PPARGC1B: variants seen among roughly 807,000 people sequenced by gnomAD.
The protein encoded by PPARGC1B is PPARG coactivator 1 beta, also known as peroxisome proliferator-activated receptor gamma coactivator 1-beta.
PPARGC1B carries 34 observed loss-of-function variants against 101.6 expected under a neutral mutation model. The observed-to-expected ratio is 0.33, with a 90% CI of 0.25 to 0.45. The LOEUF (loss-of-function observed/expected upper bound fraction) is 0.45, where lower values mean the gene tolerates loss of function less well. Ranked by LOEUF, PPARGC1B falls within the 20% of genes least tolerant of loss-of-function variation. The pLI, the probability that PPARGC1B is intolerant of heterozygous loss-of-function variation, is 1.00. For missense variants in PPARGC1B, 1,234 were observed against 1,317.6 expected (o/e 0.94, Z 0.98); for synonymous variants, 548 against 539.3 (o/e 1.02, Z -0.22).
intron 1 of PPARGC1B, among the ~76,000 whole-genome samples, chr5:149,779,108 C>T (rs1756500863): frequency 6.6e-6 from 1 of 152,132 alleles, no homozygotes; most frequent in Non-Finnish European, 1.5e-5. Context: ...ACCAAAGGCC[C>T]ATCGTGATCT....
Position 149,847,451 on chromosome 5 carries a change from T to A in PPARGC1B, c.2972-7T>A. 1 of 1,610,184 alleles carries A rather than the reference T, an allele frequency of 6.2e-7. No individual in the cohort carries two copies. The highest frequency in any genetic ancestry group is 8.5e-7 in the Non-Finnish European group (1 of 1,176,406). ...CCTCTTCCCTGCCTCTTCACCCCCA[T>A]GCCCAGATTCCAATTCAGAAGAGGC... On this transcript the variant is annotated splice_polypyrimidine_tract_variant and splice_region_variant and intron_variant, in intron 11 of 11. Transcript: ENST00000309241.
rs747264689 is a variant in PPARGC1B at position 149,833,012 on chromosome 5, C to T, written c.939C>T (p.Pro313=). The T allele has an allele frequency of 1.2e-6, 2 of 1,613,574 alleles. No homozygotes were observed. The highest frequency in any genetic ancestry group is 2.7e-5 in the African/African-American group (2 of 74,938). Reference sequence around the variant, plus strand: ...CCCCACAGACCCCTGAGCCACTCCCCAAGGCCTGCAGCAACCCCTCCCAGC... The same window carrying T: ...CCCCACAGACCCCTGAGCCACTCCCTAAGGCCTGCAGCAACCCCTCCCAGC... ...KLPPQTPEPL[P]KACSNPSQQV... is the part of the protein sequence containing the mutation. The change falls in exon 5 of 12, where the codon CCC becomes CCT. Residue 313 remains proline, a synonymous_variant. Transcript: ENST00000309241. This position sits in a 1 kb window ranked among gnomAD's most constrained non-coding sequence, Gnocchi z 4.1.
intron 1 of PPARGC1B, among the ~76,000 whole-genome samples, chr5:149,816,278 C>T (rs993510350): frequency 9.9e-5 from 15 of 152,166 alleles, no homozygotes; most frequent in African/African-American, 3.4e-4. Flanking sequence ...CTGCTATGGG[C>T]AATCAATAAG....
intron 10 of PPARGC1B, among the ~76,000 whole-genome samples, chr5:149,844,272 A>G (rs1039362565): frequency 2.0e-5 from 3 of 152,262 alleles, no homozygotes; most frequent in Admixed American, 6.5e-5. Context: ...CTCTAAAGAG[A>G]AAGATCAGTC....
At chr5:149,784,319 C>CG (rs1186958836) in intron 1 of PPARGC1B, among the ~76,000 whole-genome samples, 1 of 152,036 alleles carries the variant, frequency 6.6e-6, no homozygotes, top group African/African-American at 2.4e-5. Flanking sequence ...GCTCTCACAA[C>CG]GGCCTGTGAA....
rs115295524 is a variant in PPARGC1B at position 149,741,922 on chromosome 5, G to A, written c.78+11502G>A. Among the ~76,000 whole-genome samples the A allele has an allele frequency of 9.1e-3, 1,384 of 152,182 alleles. 15 individuals carry two copies. Among genetic ancestry groups the A allele is most frequent in the African/African-American group, 0.032 (1,314 of 41,512 alleles). On this transcript the variant is annotated intron_variant, in intron 1 of 11. Coordinates refer to ENST00000309241, the MANE Select transcript of PPARGC1B (RefSeq NM_133263.4). ...TGGGATTACAAGCGTGAGCCACCAC[G>A]CCTGGCATAGCCACATAATATTCTT...
rs939417325 is a variant in PPARGC1B, at chr5:149,837,860, C to T, written c.2618+787C>T. Among the ~76,000 whole-genome samples, 1 of 152,148 alleles carries T rather than the reference C, an allele frequency of 6.6e-6. No individual in the cohort carries two copies. Among genetic ancestry groups the T allele is most frequent in the African/African-American group, 2.4e-5 (1 of 41,430 alleles). On this transcript the variant is annotated intron_variant, in intron 8 of 11. Transcript: ENST00000309241. The surrounding 1 kb of genome is among the most constrained non-coding windows in gnomAD (Gnocchi z 4.2). ...CTGTGTTGAGGTGAAGCTGAGTGGC[C>T]ACTAGATGCTGCTCTTGGGCTAGAG...
At chr5:149,830,030 CAAAAAAAAAAAA>C (rs60711433) in intron 3 of PPARGC1B, among the ~76,000 whole-genome samples, 1 of 34,264 alleles carries the variant, frequency 2.9e-5, no homozygotes, top group Non-Finnish European at 5.7e-5. Context: ...GACTGCATCT[CAAAAAAAAAAAA>C]AAAAAAAAAA....
rs1354164783 is a variant in PPARGC1B, at chr5:149,854,279, CA to C, written c.*6723del. On this transcript the variant is annotated 3_prime_UTR_variant, in exon 12 of 12. Transcript: ENST00000309241. ...GGGCATTATTTATTAGGAAGCTTAA[CA>C]AGGTAACTACGGCCTGAGTGCGTGA... is the stretch of plus-strand genomic sequence containing the variant. The C allele has an allele frequency of 6.6e-6, 1 of 151,902 alleles. No individual in the cohort carries two copies. 9.4% of individuals were successfully genotyped at this position (151,902 alleles called of 1,614,324 possible).
At chr5:149,810,050 T>C (rs1757793983) in intron 1 of PPARGC1B, among the ~76,000 whole-genome samples, 1 of 152,108 alleles carries the variant, frequency 6.6e-6, no homozygotes, top group South Asian at 2.1e-4. Flanking sequence ...TCTTGAGAGA[T>C]GCGGAGAGGG....
At position 149,837,252 on chromosome 5, in the gene PPARGC1B, G is replaced by A. The variant is rs1017043471; in HGVS notation, c.2618+179G>A. ...AAGGTGGTCTTCTGGGGCAGTTGTG[G>A]GTGAGTTCTGGAGGCAGGCACAGCC... On this transcript the variant is annotated intron_variant, in intron 8 of 11. Transcript: ENST00000309241. This position sits in a 1 kb window ranked among gnomAD's most constrained non-coding sequence, Gnocchi z 4.2. Among the ~76,000 whole-genome samples, 16 of 152,170 alleles carry A rather than the reference G, an allele frequency of 1.1e-4. No individual in the cohort carries two copies. Among genetic ancestry groups the A allele is most frequent in the Non-Finnish European group, 2.2e-4 (15 of 68,032 alleles).
intron 3 of PPARGC1B, 85 bp from the exon 4 acceptor site, chr5:149,830,682 G>A (rs1758745654): frequency 1.0e-6 from 1 of 960,590 alleles, no homozygotes. Flanking sequence ...GATGCCCAAG[G>A]TCAGTCCTGA....
At chr5:149,768,487 A>G (rs1251938032) in intron 1 of PPARGC1B, among the ~76,000 whole-genome samples, 1 of 123,376 alleles carries the variant, frequency 8.1e-6, no homozygotes, top group Non-Finnish European at 1.6e-5. Flanking sequence ...TCTGTCGCCC[A>G]CACTGGAGTG....
rs550290386 is a variant in PPARGC1B, at chr5:149,818,983, C to T, written c.79-1450C>T. The T allele has an allele frequency of 3.8e-4, 160 of 417,242 alleles. 2 individuals are homozygous for T. The highest frequency in any genetic ancestry group is 2.8e-3 in the South Asian group (160 of 56,284). The allele number at this position is 417,242 out of a possible 1,614,324, so 25.8% of individuals were successfully genotyped here. A position where few individuals can be genotyped will look rare whatever the true frequency, so the allele number is the denominator to read the frequency against. The stretch of plus-strand genomic sequence containing the variant: ...AGAACATCACCAAGCCATTCTGTTT[C>T]TGTGTCAGCCCCCCAACTCAGGCTA... On this transcript the variant is annotated intron_variant, in intron 1 of 11. Transcript: ENST00000309241.
Position 149,820,481 on chromosome 5 carries a change from G to C in PPARGC1B, c.127G>C (p.Asp43His), listed in dbSNP as rs1475033651. The C allele has an allele frequency of 1.2e-6, 2 of 1,614,018 alleles. No homozygotes were observed. The highest frequency in any genetic ancestry group is 2.2e-5 in the East Asian group (1 of 44,880). ...ACTCTATGCTGACTTTCCAGAACTT[G>C]ACCTCTCCCAGCTGGATGCCAGCGA... ...EQLYADFPEL[D>H]LSQLDASDFD... Residue 43 changes from aspartate to histidine, a missense_variant, in exon 2 of 12, where the codon GAC becomes CAC. Asp to His is a moderately conservative substitution (Grantham distance 81, BLOSUM62 -1). Around this residue, in one of 3 missense-constraint regions of PPARGC1B, gnomAD observed 734 missense variants for 768.4 expected, o/e 0.96. Transcript: ENST00000309241.
chr5:149,844,670 AG>A (rs1759485704), intron 10 of PPARGC1B, among the ~76,000 whole-genome samples: 1 of 152,240 alleles, frequency 6.6e-6, no homozygotes, highest in Non-Finnish European at 1.5e-5. Flanking sequence ...AAGAGGCAGA[AG>A]GGTTCAAACT....
chr5:149,837,211 T>C lies in PPARGC1B; in HGVS notation c.2618+138T>C, dbSNP rs1759137395. 3 of 1,365,520 alleles carry C rather than the reference T, an allele frequency of 2.2e-6. No homozygotes were observed. Among genetic ancestry groups the C allele is most frequent in the Non-Finnish European group, 2.9e-6 (3 of 1,027,208 alleles). The allele number at this position is 1,365,520 out of a possible 1,614,324, so 84.6% of individuals were successfully genotyped here. ...TGCATCTCCCAGTGTGGCCCATGTC[T>C]TGGTCAGGAGCCTTGAAGGTGGTCT... On this transcript the variant is annotated intron_variant, in intron 8 of 11. Coordinates refer to ENST00000309241, the MANE Select transcript of PPARGC1B (RefSeq NM_133263.4). The surrounding 1 kb of genome is among the most constrained non-coding windows in gnomAD (Gnocchi z 4.2).
Position 149,850,472 on chromosome 5 carries a change from C to T in PPARGC1B, c.*2914C>T, listed in dbSNP as rs1053141190. ...AAGGGCATCGAGTAGTCTCTACTTG[C>T]TATCCCGTACATAAAATGCTACAAG... On this transcript the variant is annotated 3_prime_UTR_variant, in exon 12 of 12. Transcript: ENST00000309241. The T allele has an allele frequency of 6.6e-6, 1 of 152,356 alleles. No individual in the cohort carries two copies. Among genetic ancestry groups the T allele is most frequent in the South Asian group, 2.1e-4 (1 of 4,830 alleles). The allele number at this position is 152,356 out of a possible 1,614,324, so 9.4% of individuals were successfully genotyped here.
intron 1 of PPARGC1B, among the ~76,000 whole-genome samples, chr5:149,766,760 G>A (rs187256102): frequency 2.0e-5 from 3 of 152,330 alleles, no homozygotes; most frequent in Non-Finnish European, 2.9e-5. Context: ...CAAATATGGG[G>A]TGATTATTAA....
Sources: allele counts gnomAD v4.1 joint callset (sites outside exome capture counted in the v4.1 genomes callset), GRCh38; gene constraint gnomAD v4.1.1; regional missense constraint gnomAD v4.1.1; non-coding constraint Gnocchi (gnomAD v3.1); transcripts MANE v1.5; gene names NCBI Gene and HGNC (gene_info 2026-07-23, HGNC 2026-07-21).